Variants in SEC14L1 observed in about 807,000 individuals in gnomAD.
SEC14L1 encodes SEC14 like lipid binding 1.
In SEC14L1, 48 loss-of-function variants were observed where a neutral mutation model predicts 85.3. The ratio of observed to expected loss-of-function variants is 0.56; its 90% CI spans 0.45 to 0.72. The LOEUF (loss-of-function observed/expected upper bound fraction) is 0.72. Ranked by LOEUF, SEC14L1 falls within the 30% of genes least tolerant of loss-of-function variation. The pLI, the probability that SEC14L1 is intolerant of heterozygous loss-of-function variation, is 0.00. For missense variants in SEC14L1, 682 were observed against 921.4 expected (o/e 0.74, Z 3.36); for synonymous variants, 391 against 355.5 (o/e 1.10, Z -1.12).
upstream of SEC14L1, among the ~76,000 whole-genome samples, chr17:77,138,968 T>C (rs536718960): frequency 6.6e-6 from 1 of 152,340 alleles, no homozygotes; most frequent in South Asian, 2.1e-4. Context: ...TTTCCCAATC[T>C]CTTTTAATCT....
chr17:77,178,077 A>C (rs1005848678), intron 3 of SEC14L1, among the ~76,000 whole-genome samples: 7 of 85,986 alleles, frequency 8.1e-5, no homozygotes, highest in African/African-American at 3.1e-4. Flanking sequence ...TTTTTTTTTG[A>C]GTGCAGTGTT....
chr17:77,191,342 T>A, intron 5 of SEC14L1, 30 bp downstream of exon 5: 1 of 1,612,984 alleles, frequency 6.2e-7, no homozygotes, highest in South Asian at 1.1e-5. Flanking sequence ...GCGGAAGATG[T>A]TCTGCCGACA....
chr17:77,117,142 G>A (rs1357295228), intron 3 of SEC14L1, among the ~76,000 whole-genome samples: 4 of 152,184 alleles, frequency 2.6e-5, no homozygotes. Context: ...GAGGTCAGGA[G>A]TTCGAGACCA....
At chr17:77,204,333 T>C (rs1976347849) in intron 10 of SEC14L1, among the ~76,000 whole-genome samples, 1 of 152,042 alleles carries the variant, frequency 6.6e-6, no homozygotes, top group South Asian at 2.1e-4. Flanking sequence ...TTCTCCTGCC[T>C]CAACCTCCTG....
chr17:77,125,358 C>T (rs1972417986), intron 3 of SEC14L1, among the ~76,000 whole-genome samples: 1 of 151,356 alleles, frequency 6.6e-6, no homozygotes, highest in South Asian at 2.1e-4. Flanking sequence ...ATTATTTTCA[C>T]CAATGATGCA....
At position 77,206,275 on chromosome 17, in the gene SEC14L1, T is replaced by C. The variant is rs1414190336; in HGVS notation, c.1216T>C (p.Leu406=). ...CTTGGAAGGGCTGAACATGCGCCACTTGTGGAGACCTGGTGTGAAAGCGCT... is the reference window on the plus strand; with the variant it reads ...CTTGGAAGGGCTGAACATGCGCCACCTGTGGAGACCTGGTGTGAAAGCGCT... ...VDLEGLNMRH[L]WRPGVKALLR... The change falls in exon 12 of 17, where the codon TTG becomes CTG. Residue 406 remains leucine (L), a synonymous_variant. Transcript: ENST00000436233. This position sits in a 1 kb window ranked among gnomAD's most constrained non-coding sequence, Gnocchi z 4.3. 2 of 1,614,126 alleles carry C rather than the reference T, an allele frequency of 1.2e-6. No individual in the cohort carries two copies. The highest frequency in any genetic ancestry group is 1.1e-5 in the South Asian group (1 of 91,080).
intron 2 of SEC14L1, among the ~76,000 whole-genome samples, chr17:77,092,533 A>C (rs1971541714): frequency 6.6e-6 from 1 of 152,130 alleles, no homozygotes; most frequent in Non-Finnish European, 1.5e-5. Flanking sequence ...AAGAAAAGTA[A>C]AGTTGGAATA....
In SEC14L1 at chr17:77,213,096, C is replaced by T. The variant is rs376680909; in HGVS notation, c.1864-218C>T. On this transcript the variant is annotated intron_variant, in intron 15 of 16. Transcript: ENST00000436233. The surrounding 1 kb of genome is among the most constrained non-coding windows in gnomAD (Gnocchi z 7.1). ...GGCCACGGACATGGAGCTTGTCCCT[C>T]CGGGCTTCCCAGCACCCGGGAGTGA... is the stretch of plus-strand genomic sequence containing the variant. 1.3e-5 allele frequency among the ~76,000 whole-genome samples: 2 copies of T among 152,336 alleles called. No homozygotes were observed. Among genetic ancestry groups the T allele is most frequent in the East Asian group, 3.9e-4 (2 of 5,184 alleles).
At chr17:77,175,022 G>T (rs1342946431) in intron 3 of SEC14L1, among the ~76,000 whole-genome samples, 1 of 152,178 alleles carries the variant, frequency 6.6e-6, no homozygotes, top group African/African-American at 2.4e-5. Context: ...AGAAAGAGGG[G>T]ATAGGAGCAG....
chr17:77,160,540 G>A (rs1485751454), intron 3 of SEC14L1, among the ~76,000 whole-genome samples: 1 of 152,212 alleles, frequency 6.6e-6, no homozygotes. Flanking sequence ...TCGTAGCCCT[G>A]TAGACATTCT....
intron 3 of SEC14L1, among the ~76,000 whole-genome samples, chr17:77,153,278 G>C (rs1166225736): frequency 6.6e-6 from 1 of 152,176 alleles, no homozygotes; most frequent in Non-Finnish European, 1.5e-5. Flanking sequence ...CGTTGGCCAG[G>C]CTGGTCTCAA....
At chr17:77,210,753 G>A (rs1004558541) in intron 14 of SEC14L1, 1 of 152,244 alleles carries the variant, frequency 6.6e-6, no homozygotes, top group East Asian at 1.9e-4. Flanking sequence ...CCGAGTCCTT[G>A]TTCCTTGTTT....
intron 3 of SEC14L1, among the ~76,000 whole-genome samples, chr17:77,102,097 A>G (rs1220872604): frequency 6.6e-6 from 1 of 152,264 alleles, no homozygotes; most frequent in East Asian, 1.9e-4. Context: ...CCTCGCCACA[A>G]AAGTAAAAGC....
intron 3 of SEC14L1, among the ~76,000 whole-genome samples, chr17:77,171,387 G>T (rs1264980183): frequency 3.3e-5 from 5 of 152,186 alleles, no homozygotes; most frequent in Non-Finnish European, 5.9e-5. Flanking sequence ...TGTGGCTGGG[G>T]GAGGGAGACA....
chr17:77,184,426 C>G (rs1207985865), intron 3 of SEC14L1, among the ~76,000 whole-genome samples: 3 of 152,080 alleles, frequency 2.0e-5, no homozygotes, highest in Non-Finnish European at 4.4e-5. Flanking sequence ...ATTGGCAATC[C>G]TTCTGTGTTG....
At chr17:77,164,222 G>A (rs1168893833) in intron 3 of SEC14L1, among the ~76,000 whole-genome samples, 8 of 152,224 alleles carry the variant, frequency 5.3e-5, no homozygotes. Context: ...CAGAGCGCCT[G>A]TGCCCACCTG....
chr17:77,215,354 G>A lies in SEC14L1; in HGVS notation c.*1331G>A. On this transcript the variant is annotated 3_prime_UTR_variant, in exon 17 of 17. Coordinates refer to ENST00000436233, the MANE Select transcript of SEC14L1 (RefSeq NM_001143998.2). ...TCCACGATAAGGACATGCAACACGT[G>A]TTTCTGTGTGCAGCAGAGGCCGTGT... The A allele has an allele frequency of 2.0e-6, 2 of 985,430 alleles. No individual in the cohort carries two copies. The highest frequency in any genetic ancestry group is 9.4e-5 in the South Asian group (2 of 21,292). 61.0% of individuals were successfully genotyped at this position (985,430 alleles called of 1,614,324 possible). A position where few individuals can be genotyped will look rare whatever the true frequency, so the allele number is the denominator to read the frequency against.
chr17:77,158,112 A>C (rs765519298), intron 3 of SEC14L1, among the ~76,000 whole-genome samples: 1 of 152,086 alleles, frequency 6.6e-6, no homozygotes, highest in Non-Finnish European at 1.5e-5. Flanking sequence ...CTGGTCTCGA[A>C]CTCCTGACCT....
chr17:77,132,151 A>G (rs1269932697), intron 3 of SEC14L1, among the ~76,000 whole-genome samples: 3 of 152,092 alleles, frequency 2.0e-5, no homozygotes, highest in Admixed American at 2.0e-4. Flanking sequence ...CATGCCTTGC[A>G]AGGCTGTCTT....
Sources: allele counts gnomAD v4.1 joint callset (sites outside exome capture counted in the v4.1 genomes callset), GRCh38; gene constraint gnomAD v4.1.1; non-coding constraint Gnocchi (gnomAD v3.1); transcripts MANE v1.5; gene names NCBI Gene and HGNC (gene_info 2026-07-23, HGNC 2026-07-21).